PDE3B: variants seen among roughly 807,000 people sequenced by gnomAD.
PDE3B encodes phosphodiesterase 3B.
Under a neutral mutation model 116.8 loss-of-function variants are expected in PDE3B, and 66 were observed. The ratio of observed to expected loss-of-function variants is 0.56; its 90% confidence interval spans 0.46 to 0.69. The LOEUF (loss-of-function observed/expected upper bound fraction) is 0.69. Ranked by LOEUF, PDE3B falls within the 30% of genes least tolerant of loss-of-function variation. PDE3B has a pLI of 0.00. For synonymous variants in PDE3B, 595 were observed against 533.6 expected, an observed-to-expected ratio of 1.12 and a Z score of -1.59; for missense variants, 1,384 against 1,368.1, an observed-to-expected ratio of 1.01 and a Z score of -0.18.
the PDE3B span, among the ~76,000 whole-genome samples, chr11:14,897,304 T>C: frequency 1.3e-5 from 2 of 152,194 alleles, no homozygotes; most frequent in African/African-American, 4.8e-5. Context: ...AATACCCTGA[T>C]GATGATGAAG....
intron 14 of PDE3B, among the ~76,000 whole-genome samples, chr11:14,862,191 TAG>T (rs1220511482): frequency 4.6e-5 from 7 of 152,198 alleles, no homozygotes; most frequent in Non-Finnish European, 1.0e-4. Context: ...ATTATTATTT[TAG>T]AGAGACAGCT....
intron 11 of PDE3B, among the ~76,000 whole-genome samples, chr11:14,840,809 G>T (rs1315779741): frequency 6.6e-6 from 1 of 152,202 alleles, no homozygotes; most frequent in East Asian, 1.9e-4. Context: ...ATGATCAGTA[G>T]CTAAGAGCTT....
intron 11 of PDE3B, 149 bp from the exon 12 acceptor site, chr11:14,843,678 A>G (rs1375700613): frequency 3.9e-5 from 25 of 637,376 alleles, no homozygotes; most frequent in Non-Finnish European, 6.4e-5. Flanking sequence ...TGGGAATAAT[A>G]TACTCTTTTA....
At chr11:14,883,660 C>T in the PDE3B span, among the ~76,000 whole-genome samples, 2 of 152,066 alleles carry the variant, frequency 1.3e-5, no homozygotes, top group Non-Finnish European at 2.9e-5. Flanking sequence ...AAAGCAATGG[C>T]AACAAAAGAC....
intron 1 of PDE3B, among the ~76,000 whole-genome samples, chr11:14,726,924 A>C (rs1040686919): frequency 6.6e-6 from 1 of 152,214 alleles, no homozygotes; most frequent in African/African-American, 2.4e-5. Flanking sequence ...AATGTAATCA[A>C]GGAAGGACTT....
intron 1 of PDE3B, among the ~76,000 whole-genome samples, chr11:14,654,786 CTA>C (rs1491142673): frequency 8.5e-6 from 1 of 117,496 alleles, no homozygotes; most frequent in African/African-American, 3.5e-5. Context: ...CAGCAGCTGT[CTA>C]CACACACACA....
the PDE3B span, among the ~76,000 whole-genome samples, chr11:14,893,874 G>C: frequency 6.6e-6 from 1 of 152,158 alleles, no homozygotes; most frequent in Non-Finnish European, 1.5e-5. Context: ...GACCTATTGG[G>C]GGAGGGGAGC....
intron 1 of PDE3B, among the ~76,000 whole-genome samples, chr11:14,715,944 G>C (rs971977208): frequency 6.6e-6 from 1 of 152,280 alleles, no homozygotes; most frequent in East Asian, 1.9e-4. Flanking sequence ...GAACAGCTCC[G>C]GTCTACAGCT....
At chr11:14,674,672 A>G (rs1854477546) in intron 1 of PDE3B, 1 of 247,622 alleles carries the variant, frequency 4.0e-6, no homozygotes, top group South Asian at 4.9e-5. Flanking sequence ...CTTAAAGTGA[A>G]TATGAGGGTA....
At chr11:14,668,565 A>G (rs1854260529) in intron 1 of PDE3B, among the ~76,000 whole-genome samples, 1 of 152,154 alleles carries the variant, frequency 6.6e-6, no homozygotes, top group African/African-American at 2.4e-5. Flanking sequence ...TTAAGCATGA[A>G]GCAAAGAGTC....
chr11:14,863,945 A>C (rs1847995840), intron 14 of PDE3B, among the ~76,000 whole-genome samples: 2 of 152,250 alleles, frequency 1.3e-5, no homozygotes, highest in Non-Finnish European at 2.9e-5. Flanking sequence ...GATCAAATTC[A>C]TACATAACAG....
At position 14,826,918 on chromosome 11, in the gene PDE3B, C is replaced by T. The variant is rs1217085654; in HGVS notation, c.1808-3780C>T. On this transcript the variant is annotated intron_variant, in intron 7 of 15. Transcript: ENST00000282096. ...TGATGAAAATTGATGCAAAAATCCT[C>T]AACAAAATACTTGCAAACCAAATTC... Among the ~76,000 whole-genome samples, 10 of 152,152 alleles carry T rather than the reference C, an allele frequency of 6.6e-5. No individual in the cohort carries two copies. The East Asian group carries it at 1.9e-3, about 29-fold the overall frequency.
chr11:14,682,334 T>C (rs1424483390), intron 1 of PDE3B, among the ~76,000 whole-genome samples: 1 of 152,228 alleles, frequency 6.6e-6, no homozygotes, highest in African/African-American at 2.4e-5. Context: ...GTATACTTTT[T>C]ATTTGTTATT....
intron 4 of PDE3B, among the ~76,000 whole-genome samples, chr11:14,792,447 A>G (rs1858417616): frequency 6.6e-6 from 1 of 152,186 alleles, no homozygotes. Flanking sequence ...AGAATAATAC[A>G]GGATTTAATT....
At chr11:14,745,362 T>C (rs1856884114) in intron 1 of PDE3B, among the ~76,000 whole-genome samples, 1 of 152,172 alleles carries the variant, frequency 6.6e-6, no homozygotes, top group African/African-American at 2.4e-5. Flanking sequence ...TTTGCTTGAG[T>C]CTTGTTTGTG....
At position 14,834,698 on chromosome 11, in the gene PDE3B, A is replaced by G. The variant is rs955228889; in HGVS notation, c.2207-284A>G. Among the ~76,000 whole-genome samples the G allele has an allele frequency of 3.9e-5, 6 of 152,338 alleles. No individual in the cohort carries two copies. In the South Asian group the frequency reaches 6.2e-4, roughly 16 times the overall value. ...TCCAGACACTACATGATATTTTTGA[A>G]AGCCAGAAAATAGCCACCTTGAGAA... On this transcript the variant is annotated intron_variant, in intron 10 of 15. Transcript: ENST00000282096.
At chr11:14,829,738 G>A (rs1490307441) in intron 7 of PDE3B, among the ~76,000 whole-genome samples, 1 of 152,012 alleles carries the variant, frequency 6.6e-6, no homozygotes, top group African/African-American at 2.4e-5. Context: ...AATAGTAATT[G>A]GGTACTAGGC....
At chr11:14,795,193 T>C (rs1225584084) in intron 4 of PDE3B, among the ~76,000 whole-genome samples, 1 of 152,198 alleles carries the variant, frequency 6.6e-6, no homozygotes, top group Non-Finnish European at 1.5e-5. Context: ...TAATCCTGTC[T>C]TGGTCTTTCA....
chr11:14,858,211 G>T (rs1376273651), intron 12 of PDE3B, among the ~76,000 whole-genome samples: 1 of 152,110 alleles, frequency 6.6e-6, no homozygotes, highest in African/African-American at 2.4e-5. Flanking sequence ...TAGGCTCCAT[G>T]AAAACAGGGA....
Sources: allele counts gnomAD v4.1 joint callset (sites outside exome capture counted in the v4.1 genomes callset), GRCh38; gene constraint gnomAD v4.1.1; transcripts MANE v1.5; gene names NCBI Gene and HGNC (gene_info 2026-07-23, HGNC 2026-07-21).